CDK14: variants seen among roughly 807,000 people sequenced by gnomAD.
CDK14 encodes the protein cyclin dependent kinase 14, also known as cyclin-dependent kinase 14.
Under a neutral mutation model 60.7 loss-of-function variants are expected in CDK14, and 34 were observed. The ratio of observed to expected loss-of-function variants is 0.56; its 90% confidence interval spans 0.43 to 0.75. CDK14 has a LOEUF of 0.75. Among genes scored for constraint, CDK14 ranks in the 30% least tolerant of loss-of-function variants. CDK14 has a pLI of 0.00. For synonymous variants in CDK14, 197 were observed against 203.7 expected, an observed-to-expected ratio of 0.97 and a Z score of 0.28; for missense variants, 482 against 564.1, an observed-to-expected ratio of 0.85 and a Z score of 1.47.
chr7:90,670,365 C>G (rs1801070852), intron 2 of CDK14, among the ~76,000 whole-genome samples: 1 of 152,162 alleles, frequency 6.6e-6, no homozygotes, highest in African/African-American at 2.4e-5. Context: ...TCACATAGGA[C>G]TGAAACTATA....
At chr7:90,926,716 A>T (rs1040524464) in intron 8 of CDK14, among the ~76,000 whole-genome samples, 1 of 152,144 alleles carries the variant, frequency 6.6e-6, no homozygotes, top group African/African-American at 2.4e-5. Flanking sequence ...GTGTCTAAAG[A>T]TTCTATTTAT....
chr7:91,127,363 A>T (rs1295713218), intron 14 of CDK14, among the ~76,000 whole-genome samples: 1 of 152,166 alleles, frequency 6.6e-6, no homozygotes, highest in African/African-American at 2.4e-5. Context: ...TATCTGGGCA[A>T]TTGCGGCAAT....
chr7:90,971,653 T>TAAAAAAAAAAAAA (rs35135401), intron 9 of CDK14, among the ~76,000 whole-genome samples: 6 of 119,538 alleles, frequency 5.0e-5, no homozygotes, highest in Non-Finnish European at 5.2e-5. Flanking sequence ...ATATACATAG[T>TAAAAAAAAAAAAA]AAAAAAAAAA....
intron 5 of CDK14, among the ~76,000 whole-genome samples, chr7:90,832,043 G>A (rs1386905715): frequency 6.6e-6 from 1 of 151,974 alleles, no homozygotes; most frequent in African/African-American, 2.4e-5. Context: ...CCTCAAAGAT[G>A]TCTTCAGAGA....
chr7:90,814,181 T>C (rs1041415816), intron 5 of CDK14, among the ~76,000 whole-genome samples: 3 of 152,194 alleles, frequency 2.0e-5, no homozygotes, highest in African/African-American at 7.2e-5. Context: ...ATTATAGGAC[T>C]GTAATTGCCA....
intron 2 of CDK14, among the ~76,000 whole-genome samples, chr7:90,694,458 A>G (rs1801617055): frequency 6.6e-6 from 1 of 152,176 alleles, no homozygotes; most frequent in South Asian, 2.1e-4. Flanking sequence ...AATCAAGCCT[A>G]TTTTTTAACC....
intron 2 of CDK14, among the ~76,000 whole-genome samples, chr7:90,615,011 G>A (rs1425750442): frequency 6.6e-6 from 1 of 152,040 alleles, no homozygotes; most frequent in African/African-American, 2.4e-5. Flanking sequence ...ATGTCTTATA[G>A]TGCAACATTA....
At chr7:91,127,543 CA>C (rs1231748066) in intron 14 of CDK14, among the ~76,000 whole-genome samples, 1 of 152,142 alleles carries the variant, frequency 6.6e-6, no homozygotes, top group East Asian at 1.9e-4. Flanking sequence ...GATTCACGTG[CA>C]GTCTCATTGA....
At chr7:90,797,153 G>A (rs1788467652) in intron 5 of CDK14, among the ~76,000 whole-genome samples, 1 of 151,780 alleles carries the variant, frequency 6.6e-6, no homozygotes, top group Non-Finnish European at 1.5e-5. Flanking sequence ...AAGTACCACA[G>A]CCTGGGTAGC....
intron 4 of CDK14, among the ~76,000 whole-genome samples, chr7:90,769,802 C>A (rs560080239): frequency 1.3e-5 from 2 of 152,182 alleles, no homozygotes; most frequent in South Asian, 4.2e-4. Flanking sequence ...TATGAATGGT[C>A]CTATGAACAG....
chr7:90,606,401 G>T (rs1799419807), intron 2 of CDK14, among the ~76,000 whole-genome samples: 1 of 152,116 alleles, frequency 6.6e-6, no homozygotes, highest in Non-Finnish European at 1.5e-5. Flanking sequence ...GCATATGAAG[G>T]TTTCAGAATA....
chr7:91,110,886 C>T (rs1358863328), intron 12 of CDK14, among the ~76,000 whole-genome samples: 4 of 151,996 alleles, frequency 2.6e-5, no homozygotes, highest in Admixed American at 1.3e-4. Context: ...TCAAACTTTG[C>T]GTTTGATTTT....
chr7:90,982,257 T>A (rs965311535), intron 9 of CDK14, among the ~76,000 whole-genome samples: 2 of 152,206 alleles, frequency 1.3e-5, no homozygotes, highest in Admixed American at 1.3e-4. Flanking sequence ...ACAGAGGAGA[T>A]GCATTTAAAC....
intron 2 of CDK14, among the ~76,000 whole-genome samples, chr7:90,632,801 C>T (rs1584754668): frequency 6.6e-6 from 1 of 152,218 alleles, no homozygotes; most frequent in East Asian, 1.9e-4. Flanking sequence ...GAAAATTTGT[C>T]TTACAGGCTG....
chr7:91,132,801 G>A (rs897899742), intron 14 of CDK14, among the ~76,000 whole-genome samples: 21 of 152,060 alleles, frequency 1.4e-4, no homozygotes, highest in Non-Finnish European at 5.9e-5. Context: ...CCATATGGGA[G>A]GGCAAATGAG....
intron 6 of CDK14, among the ~76,000 whole-genome samples, chr7:90,897,189 A>G (rs528909353): frequency 8.5e-5 from 13 of 152,262 alleles, no homozygotes; most frequent in African/African-American, 3.1e-4. Context: ...TTTTACATTG[A>G]TATATCTGAT....
intron 3 of CDK14, among the ~76,000 whole-genome samples, chr7:90,732,937 G>T (rs1802930916): frequency 6.7e-6 from 1 of 148,812 alleles, no homozygotes. Context: ...ATGTTAGGGT[G>T]TCAATTTTAG....
chr7:90,940,856 T>C (rs1180264461), intron 8 of CDK14, among the ~76,000 whole-genome samples: 1 of 152,160 alleles, frequency 6.6e-6, no homozygotes, highest in African/African-American at 2.4e-5. Flanking sequence ...TATATAAATC[T>C]ATCTATGTAT....
chr7:90,939,887 T>A (rs919828691), intron 8 of CDK14, among the ~76,000 whole-genome samples: 3 of 152,150 alleles, frequency 2.0e-5, no homozygotes, highest in Non-Finnish European at 2.9e-5. Context: ...TTCTGCTTGT[T>A]CCACCCAGTC....
Sources: gnomAD v4.1 joint callset for allele counts (sites outside exome capture counted in the v4.1 genomes callset) on GRCh38, gnomAD v4.1.1 for gene constraint, MANE v1.5 for transcripts, NCBI Gene and HGNC (gene_info 2026-07-23, HGNC 2026-07-21) for gene names.